The following TNFSF4 variants were observed in gnomAD, a reference collection of about 807,000 sequenced individuals.
TNFSF4 encodes the protein TNF superfamily member 4, also known as tumor necrosis factor ligand superfamily member 4.
Under a neutral mutation model 7.3 loss-of-function variants are expected in TNFSF4, and 4 were observed. The observed-to-expected ratio is 0.55, with a 90% CI of 0.27 to 1.25. The LOEUF is 1.25. Ranked by LOEUF, TNFSF4 falls within the 50% of genes most tolerant of loss-of-function variation. TNFSF4 has a pLI of 0.12. For synonymous variants in TNFSF4, 76 were observed against 83.7 expected, an observed-to-expected ratio of 0.91 and a Z score of 0.50; for missense variants, 181 against 208.8, an observed-to-expected ratio of 0.87 and a Z score of 0.82.
In TNFSF4 at chr1:173,205,170, TC is replaced by T. The variant is rs112552201; in HGVS notation, c.153+1853del. ...AACATCAAGTGAAGAACTTCAAATA[TC>T]CTGAGCAAAAAAAAGAAATCTATTT... On this transcript the variant is annotated intron_variant, in intron 1 of 2. Coordinates refer to ENST00000281834, the MANE Select transcript of TNFSF4 (RefSeq NM_003326.5). 1.8e-4 allele frequency: 175 copies of T among 955,260 alleles called. No homozygotes were observed. The African/African-American group carries it at 2.6e-3, about 14-fold the overall frequency. 59.2% of individuals were successfully genotyped at this position (955,260 alleles called of 1,614,324 possible). A position where few individuals can be genotyped will look rare whatever the true frequency, so the allele number is the denominator to read the frequency against.
chr1:173,270,953 G>T, the TNFSF4 span, among the ~76,000 whole-genome samples: 3 of 151,974 alleles, frequency 2.0e-5, no homozygotes, highest in Admixed American at 6.6e-5. Context: ...TGAGAAAATG[G>T]AATAAAAATA....
At chr1:173,190,132 C>G (rs903746975) in intron 1 of TNFSF4, among the ~76,000 whole-genome samples, 1 of 152,060 alleles carries the variant, frequency 6.6e-6, no homozygotes, top group Non-Finnish European at 1.5e-5. Flanking sequence ...AGGAGAATCA[C>G]TGAAACCTGG....
At chr1:173,385,937 G>A in the TNFSF4 span, among the ~76,000 whole-genome samples, 3 of 152,340 alleles carry the variant, frequency 2.0e-5, no homozygotes, top group South Asian at 4.1e-4. Flanking sequence ...ATGAAAAGGT[G>A]TATTAGGAAG....
the TNFSF4 span, among the ~76,000 whole-genome samples, chr1:173,346,102 AC>A: frequency 1.3e-5 from 2 of 152,064 alleles, no homozygotes; most frequent in East Asian, 3.9e-4. Flanking sequence ...AGCCTGATCC[AC>A]CCCTCCCCAT....
chr1:173,280,038 G>A, the TNFSF4 span, among the ~76,000 whole-genome samples: 1 of 151,942 alleles, frequency 6.6e-6, no homozygotes, highest in Non-Finnish European at 1.5e-5. Flanking sequence ...CACTTTTTCA[G>A]TCTTTCCTCT....
At chr1:173,434,821 A>G in the TNFSF4 span, among the ~76,000 whole-genome samples, 1 of 152,248 alleles carries the variant, frequency 6.6e-6, no homozygotes, top group Non-Finnish European at 1.5e-5. Context: ...CTGATTTGGC[A>G]GACAGAAGAA....
the TNFSF4 span, among the ~76,000 whole-genome samples, chr1:173,267,385 C>T: frequency 2.0e-5 from 3 of 152,174 alleles, no homozygotes; most frequent in African/African-American, 7.2e-5. Context: ...ACTTTTCCCT[C>T]AAATATATGC....
rs150074641 is a variant in TNFSF4, at chr1:173,202,070, T to TATATATACACACA, written c.153+4953_153+4954insTGTGTGTATATAT. On this transcript the variant is annotated intron_variant, in intron 1 of 2. Coordinates refer to ENST00000281834, the MANE Select transcript of TNFSF4 (RefSeq NM_003326.5). Reference sequence around the variant, plus strand: ...CTATATATATATACATATATATATATACACACACACATACACATATATATA... The same window carrying TATATATACACACA: ...CTATATATATATACATATATATATATATATATACACACAACACACACACATACACATATATATA... Among the ~76,000 whole-genome samples the TATATATACACACA allele has an allele frequency of 3.5e-3, 517 of 149,618 alleles. 2 individuals are homozygous for TATATATACACACA. The highest frequency in any genetic ancestry group is 5.7e-3 in the Non-Finnish European group (384 of 67,556).
the TNFSF4 span, among the ~76,000 whole-genome samples, chr1:173,311,584 T>A: frequency 2.0e-5 from 3 of 152,032 alleles, no homozygotes; most frequent in African/African-American, 7.2e-5. Flanking sequence ...CTGGTGGAAC[T>A]GGGAAGCCAC....
the TNFSF4 span, among the ~76,000 whole-genome samples, chr1:173,411,112 C>T: frequency 1.3e-5 from 2 of 152,170 alleles, no homozygotes; most frequent in South Asian, 2.1e-4. Context: ...TCTGTTGCTG[C>T]GGACCAGGGC....
At chr1:173,211,551 T>G (rs1236411186), upstream of TNFSF4, among the ~76,000 whole-genome samples, 3 of 152,208 alleles carry the variant, frequency 2.0e-5, no homozygotes, top group African/African-American at 7.2e-5. Flanking sequence ...GGTTTCCTCC[T>G]GCAGGAGTTC....
chr1:173,396,469 C>T, the TNFSF4 span, among the ~76,000 whole-genome samples: 1 of 152,114 alleles, frequency 6.6e-6, no homozygotes, highest in African/African-American at 2.4e-5. Context: ...ATGTTCATAC[C>T]ACTGCACTCC....
downstream of TNFSF4, among the ~76,000 whole-genome samples, chr1:173,180,976 T>G (rs1450386300): frequency 6.6e-6 from 1 of 152,154 alleles, no homozygotes; most frequent in Admixed American, 6.5e-5. Context: ...CAGAAAAAAT[T>G]TATTTCAAAC....
At chr1:173,394,935 TAGATAGATAGACAGACAGAC>T in the TNFSF4 span, among the ~76,000 whole-genome samples, 6 of 150,342 alleles carry the variant, frequency 4.0e-5, no homozygotes, top group African/African-American at 1.5e-4. Context: ...GATAGATAGA[TAGATAGATAGACAGACAGAC>T]AGACAGACAG....
chr1:173,205,962 T>A (rs1203345330), intron 1 of TNFSF4, among the ~76,000 whole-genome samples: 2 of 152,140 alleles, frequency 1.3e-5, no homozygotes, highest in East Asian at 3.9e-4. Flanking sequence ...CCACACACAC[T>A]CTTACCAGCC....
chr1:173,387,958 T>C, the TNFSF4 span, among the ~76,000 whole-genome samples: 12 of 152,154 alleles, frequency 7.9e-5, no homozygotes, highest in African/African-American at 2.9e-4. Context: ...TGCTCTAGAG[T>C]TGGACATTCT....
chr1:173,374,273 T>C, the TNFSF4 span, among the ~76,000 whole-genome samples: 45 of 152,120 alleles, frequency 3.0e-4, 1 homozygote, highest in Admixed American at 2.9e-3. Context: ...CCAAAGGATA[T>C]CACAGAGACA....
At chr1:173,197,572 C>T (rs981569164) in intron 1 of TNFSF4, among the ~76,000 whole-genome samples, 2 of 152,182 alleles carry the variant, frequency 1.3e-5, no homozygotes, top group Non-Finnish European at 2.9e-5. Flanking sequence ...CCATTATCCT[C>T]AGCAAACTAA....
chr1:173,400,815 CTCACTAATGAAGTTGGGG>C, the TNFSF4 span, among the ~76,000 whole-genome samples: 1 of 152,208 alleles, frequency 6.6e-6, no homozygotes, highest in Non-Finnish European at 1.5e-5. Flanking sequence ...GCCCAGATGC[CTCACTAATGAAGTTGGGG>C]TCACTTCACC....
Sources: gnomAD v4.1 joint callset for allele counts (sites outside exome capture counted in the v4.1 genomes callset) on GRCh38, gnomAD v4.1.1 for gene constraint, MANE v1.5 for transcripts, NCBI Gene and HGNC (gene_info 2026-07-23, HGNC 2026-07-21) for gene names.